The following ELAVL2 variants were observed in gnomAD, a reference collection of about 807,000 sequenced individuals.
ELAVL2 encodes the protein ELAV-like protein 2.
In ELAVL2, 4 loss-of-function variants were observed where a neutral mutation model predicts 34.6. The ratio of observed to expected loss-of-function variants is 0.12; its 90% CI spans 0.06 to 0.26. ELAVL2 has a LOEUF of 0.26. Among genes scored for constraint, ELAVL2 ranks in the 10% least tolerant of loss-of-function variants. The probability of loss-of-function intolerance (pLI) is 1.00; values close to 1 mark genes in which losing one functional copy is unlikely to be tolerated. For missense variants in ELAVL2, 432 were observed against 442.8 expected, an observed-to-expected ratio of 0.98 and a Z score of 0.22; for synonymous variants, 193 against 154.8, an observed-to-expected ratio of 1.25 and a Z score of -1.83.
chr9:23,799,340 T>C (rs117755779), intron 1 of ELAVL2, among the ~76,000 whole-genome samples: 1,736 of 152,296 alleles, frequency 0.011, 18 homozygotes, highest in East Asian at 0.053. Context: ...GTTACCTTGT[T>C]TCCCATCCCG....
At chr9:23,744,279 G>C (rs1014828742) in intron 2 of ELAVL2, among the ~76,000 whole-genome samples, 1 of 152,172 alleles carries the variant, frequency 6.6e-6, no homozygotes, top group Non-Finnish European at 1.5e-5. Flanking sequence ...CTACAATGTA[G>C]AATGCCATAC....
At chr9:23,706,640 TA>T (rs1371691634) in intron 3 of ELAVL2, among the ~76,000 whole-genome samples, 4 of 152,222 alleles carry the variant, frequency 2.6e-5, no homozygotes, top group Non-Finnish European at 5.9e-5. Flanking sequence ...AGATTATTAC[TA>T]AAAATGGTCA....
chr9:23,701,141 T>C (rs1390186475), intron 5 of ELAVL2, among the ~76,000 whole-genome samples: 3 of 152,196 alleles, frequency 2.0e-5, no homozygotes, highest in Admixed American at 2.0e-4. Context: ...AAATCACCCT[T>C]GGTTAAGAAT....
In ELAVL2 at chr9:23,692,526, C is replaced by A. The variant is rs1012857395; in HGVS notation, c.*31G>T. 3 of 1,577,284 alleles carry A rather than the reference C, an allele frequency of 1.9e-6. No individual in the cohort carries two copies. The highest frequency in any genetic ancestry group is 2.6e-6 in the Non-Finnish European group (3 of 1,161,264). Reference sequence around the variant, plus strand: ...TAACTTGCCTTTGTTGTATAGTTTTCATATATAAATGGACTGAGGACAAGA... The same window carrying A: ...TAACTTGCCTTTGTTGTATAGTTTTAATATATAAATGGACTGAGGACAAGA... On this transcript the variant is annotated 3_prime_UTR_variant, in exon 7 of 7. Transcript: ENST00000397312.
At chr9:23,742,568 G>A (rs910920479) in intron 2 of ELAVL2, among the ~76,000 whole-genome samples, 3 of 152,136 alleles carry the variant, frequency 2.0e-5, no homozygotes, top group African/African-American at 4.8e-5. Context: ...TTCACCTTAT[G>A]TGTACTGATC....
Position 23,805,546 on chromosome 9 carries a change from G to A in ELAVL2, c.-16+20260C>T, listed in dbSNP as rs190232261. 2.1e-4 allele frequency among the ~76,000 whole-genome samples: 32 copies of A among 152,320 alleles called. No individual in the cohort carries two copies. The East Asian group carries it at 6.0e-3, about 28-fold the overall frequency. On this transcript the variant is annotated intron_variant, in intron 1 of 6. Coordinates refer to ENST00000397312, the MANE Select transcript of ELAVL2 (RefSeq NM_004432.5). ...AGGCAGGCCTACAACATACAAAACA[G>A]ATGGAGCTGCTACTGTACCTTGGGC...
chr9:23,747,930 A>C (rs899529767), intron 2 of ELAVL2, among the ~76,000 whole-genome samples: 6 of 152,156 alleles, frequency 3.9e-5, no homozygotes, highest in Non-Finnish European at 7.3e-5. Context: ...TTTTTAAAAA[A>C]AGGACTGTTC....
intron 6 of ELAVL2, 101 bp from the exon 7 acceptor site, chr9:23,692,985 G>T (rs972544598): frequency 1.1e-4 from 118 of 1,062,246 alleles, no homozygotes; most frequent in Non-Finnish European, 1.5e-4. Context: ...AAGAATTTTA[G>T]TAACTCTCCT....
At chr9:23,847,338 C>G in the ELAVL2 span, 1 of 151,988 alleles carries the variant, frequency 6.6e-6, no homozygotes, top group Admixed American at 6.6e-5. Flanking sequence ...ATTAGATAAC[C>G]TGGCTGCCAT....
Position 23,751,956 on chromosome 9 carries a change from G to A in ELAVL2, c.229+10050C>T, listed in dbSNP as rs149015228. On this transcript the variant is annotated intron_variant, in intron 2 of 6. Transcript: ENST00000397312. ...CTATTCTTACTTTGTTCCACCCCTG[G>A]AAAATCAATTATGTTGGTCAAATCA... is the stretch of plus-strand genomic sequence containing the variant. Among the ~76,000 whole-genome samples, 235 of 152,226 alleles carry A rather than the reference G, an allele frequency of 1.5e-3. 1 individual carries two copies. The highest frequency in any genetic ancestry group is 5.4e-3 in the African/African-American group (225 of 41,562).
At chr9:23,746,409 T>A (rs2050492190) in intron 2 of ELAVL2, among the ~76,000 whole-genome samples, 1 of 152,144 alleles carries the variant, frequency 6.6e-6, no homozygotes, top group South Asian at 2.1e-4. Context: ...TCTACCTAAC[T>A]GGCACAAAGA....
chr9:23,812,539 G>A (rs889852007), intron 1 of ELAVL2, among the ~76,000 whole-genome samples: 7 of 152,060 alleles, frequency 4.6e-5, no homozygotes, highest in Non-Finnish European at 1.5e-5. Context: ...GTGCCGCAAT[G>A]AGATGCTGCA....
chr9:23,823,733 C>G (rs939105808), intron 1 of ELAVL2, among the ~76,000 whole-genome samples: 1 of 152,184 alleles, frequency 6.6e-6, no homozygotes, highest in Non-Finnish European at 1.5e-5. Flanking sequence ...AACACATTTC[C>G]TACCCTTCTG....
chr9:23,804,969 C>T (rs2062031648), intron 1 of ELAVL2, among the ~76,000 whole-genome samples: 1 of 152,098 alleles, frequency 6.6e-6, no homozygotes, highest in South Asian at 2.1e-4. Context: ...AAGAAATGTA[C>T]ATTAAATATG....
At chr9:23,838,742 A>G in the ELAVL2 span, among the ~76,000 whole-genome samples, 1 of 152,138 alleles carries the variant, frequency 6.6e-6, no homozygotes, top group South Asian at 2.1e-4. Context: ...ATCTCATAAA[A>G]TGAATCTTCA....
At chr9:23,743,530 C>T (rs2049787159) in intron 2 of ELAVL2, among the ~76,000 whole-genome samples, 1 of 152,160 alleles carries the variant, frequency 6.6e-6, no homozygotes, top group Non-Finnish European at 1.5e-5. Context: ...GAGCAGAGCA[C>T]AGAGGCTTGT....
chr9:23,777,856 C>T (rs1055824070), intron 1 of ELAVL2, among the ~76,000 whole-genome samples: 3 of 152,146 alleles, frequency 2.0e-5, no homozygotes, highest in African/African-American at 7.2e-5. Context: ...GACAGCTGGC[C>T]TCCTACATTA....
Position 23,691,068 on chromosome 9 carries a change from C to T in ELAVL2, c.*1489G>A, listed in dbSNP as rs1438763526. The T allele has an allele frequency of 2.0e-5, 3 of 152,432 alleles. No homozygotes were observed. The highest frequency in any genetic ancestry group is 2.9e-5 in the Non-Finnish European group (2 of 67,962). The allele number at this position is 152,432 out of a possible 1,614,324, so 9.4% of individuals were successfully genotyped here. A position where few individuals can be genotyped will look rare whatever the true frequency, so the allele number is the denominator to read the frequency against. ...ATTTATAAACCAAAATGTAGCATCA[C>T]CATAAACAGCTGAAGCTAGACTATC... On this transcript the variant is annotated 3_prime_UTR_variant, in exon 7 of 7. Transcript: ENST00000397312.
intron 1 of ELAVL2, among the ~76,000 whole-genome samples, chr9:23,822,718 G>C (rs1564612404): frequency 6.6e-6 from 1 of 152,220 alleles, no homozygotes; most frequent in Non-Finnish European, 1.5e-5. Context: ...ATCGATTTTA[G>C]CCCTTCTCCT....
Sources: gnomAD v4.1 joint callset for allele counts (sites outside exome capture counted in the v4.1 genomes callset) on GRCh38, gnomAD v4.1.1 for gene constraint, MANE v1.5 for transcripts, NCBI Gene and HGNC (gene_info 2026-07-23, HGNC 2026-07-21) for gene names.